The following HNRNPUL2 variants were observed in gnomAD, a reference collection of about 807,000 sequenced individuals.
The protein encoded by HNRNPUL2 is heterogeneous nuclear ribonucleoprotein U like 2.
Under a neutral mutation model 102.2 loss-of-function variants are expected in HNRNPUL2, and 27 were observed. The ratio of observed to expected loss-of-function variants is 0.26; its 90% CI spans 0.19 to 0.36. HNRNPUL2 has a LOEUF of 0.36. Ranked by LOEUF, HNRNPUL2 falls within the 10% of genes least tolerant of loss-of-function variation. HNRNPUL2 has a pLI of 1.00. For synonymous variants in HNRNPUL2, 458 were observed against 387.2 expected (o/e 1.18, Z -2.15); for missense variants, 936 against 981.1 (o/e 0.95, Z 0.61).
chr11:62,723,506 A>T, intron 4 of HNRNPUL2, 81 bp downstream of exon 4: 1 of 1,387,842 alleles, frequency 7.2e-7, no homozygotes, highest in Non-Finnish European at 9.7e-7. Context: ...AAAAAGAGAT[A>T]ATAATCTTCT....
chr11:62,721,674 C>T, intron 8 of HNRNPUL2, 146 bp downstream of exon 8: 1 of 1,045,926 alleles, frequency 9.6e-7, no homozygotes, highest in Non-Finnish European at 1.4e-6. Flanking sequence ...AAAAAAAAAT[C>T]AATCCACCTA....
At position 62,722,248 on chromosome 11, in the gene HNRNPUL2, C is replaced by T; in HGVS notation, c.1228G>A (p.Val410Ile). Residue 410 changes from valine (V) to isoleucine (I), a missense_variant, in exon 7 of 14, where the codon GTA (valine) becomes ATA (isoleucine). Val to Ile is a conservative substitution (Grantham distance 29, BLOSUM62 3). Coordinates refer to ENST00000301785, the MANE Select transcript of HNRNPUL2 (RefSeq NM_001079559.3). ...LPHVLCKNCV[V>I]ELNFGQKEEP... is the part of the protein sequence containing the mutation. Reference sequence around the variant, plus strand: ...TCCTTCTGACCGAAGTTTAATTCTACAACACAATTTTTGCAGAGGACATGG... The same window carrying T: ...TCCTTCTGACCGAAGTTTAATTCTATAACACAATTTTTGCAGAGGACATGG... 1 of 1,614,162 alleles carries T rather than the reference C, an allele frequency of 6.2e-7. No homozygotes were observed. Among genetic ancestry groups the T allele is most frequent in the Non-Finnish European group, 8.5e-7 (1 of 1,180,024 alleles).
chr11:62,726,571 G>A (rs1269993356), intron 1 of HNRNPUL2, 48 bp downstream of exon 1: 3 of 1,474,926 alleles, frequency 2.0e-6, no homozygotes, highest in Non-Finnish European at 2.7e-6. Context: ...TGCTAGATCA[G>A]GGGCGCAGCC....
rs1339350339 is a variant in HNRNPUL2, at chr11:62,715,226, T to C, written c.*73A>G. 2.9e-5 allele frequency: 22 copies of C among 745,984 alleles called. No homozygotes were observed. In the East Asian group the frequency reaches 5.9e-4, roughly 20 times the overall value. 46.2% of individuals were successfully genotyped at this position (745,984 alleles called of 1,614,324 possible). A position where few individuals can be genotyped will look rare whatever the true frequency, so the allele number is the denominator to read the frequency against. ...CCCCGACAGCCCCTGTTTTCCTTGG[T>C]TGTGTTTTGCGGGGGTGCCTGGCAC... On this transcript the variant is annotated 3_prime_UTR_variant, in exon 14 of 14. Transcript: ENST00000301785.
At chr11:62,716,663 G>C (rs1342746705) in intron 11 of HNRNPUL2, among the ~76,000 whole-genome samples, 2 of 152,178 alleles carry the variant, frequency 1.3e-5, no homozygotes, top group African/African-American at 4.8e-5. Flanking sequence ...AGATAAGACA[G>C]GAACAGTGAC....
chr11:62,721,273 G>A, intron 9 of HNRNPUL2, 22 bp downstream of exon 9: 1 of 1,593,264 alleles, frequency 6.3e-7, no homozygotes, highest in South Asian at 1.2e-5. Flanking sequence ...CTTGACTCTA[G>A]GCAATTTTAT....
At chr11:62,717,838 TA>T (rs1167580580) in intron 10 of HNRNPUL2, among the ~76,000 whole-genome samples, 2 of 152,198 alleles carry the variant, frequency 1.3e-5, no homozygotes, top group African/African-American at 4.8e-5. Flanking sequence ...TCTGCTCATC[TA>T]TACAAGGAGA....
In HNRNPUL2 at chr11:62,717,085, C is replaced by A; in HGVS notation, c.1885G>T (p.Ala629Ser). The A allele has an allele frequency of 6.2e-7, 1 of 1,614,154 alleles. No individual in the cohort carries two copies. Among genetic ancestry groups the A allele is most frequent in the Non-Finnish European group, 8.5e-7 (1 of 1,180,030 alleles). The stretch of plus-strand genomic sequence containing the variant: ...TCGGAGGGGGGCAGAAGCTTCCTTG[C>A]CTCCTCCTTGTACTTAGTGACAATG... ...QPIVTKYKEE[A>S]RKLLPPSEKR... Residue 629 changes from alanine (A) to serine (S), a missense_variant, in exon 11 of 14, where the codon GCA (alanine) becomes TCA (serine). Transcript: ENST00000301785.
At chr11:62,716,879 C>T (rs188553125) in intron 11 of HNRNPUL2, 110 bp downstream of exon 11, 70 of 1,051,410 alleles carry the variant, frequency 6.7e-5, no homozygotes, top group Non-Finnish European at 9.5e-5. Context: ...AAGGCACTTC[C>T]GTATTGTTAA....
Position 62,722,724 on chromosome 11 carries a change from C to A in HNRNPUL2, c.983-11G>T. On this transcript the variant is annotated splice_polypyrimidine_tract_variant and intron_variant, in intron 5 of 13. Transcript: ENST00000301785. ...AGAATTCATCTTCACCTAGAACAGT[C>A]AACAAATTAGTTACCTACAACCGGA... The A allele has an allele frequency of 6.2e-7, 1 of 1,611,570 alleles. No homozygotes were observed. Among genetic ancestry groups the A allele is most frequent in the Non-Finnish European group, 8.5e-7 (1 of 1,177,682 alleles).
At position 62,726,954 on chromosome 11, in the gene HNRNPUL2, C is replaced by A; in HGVS notation, c.203G>T (p.Gly68Val). Residue 68 changes from glycine (G) to valine (V), a missense_variant, in exon 1 of 14, where the codon GGC (glycine) becomes GTC (valine). Physicochemically the swap from Gly to Val is moderately radical, Grantham distance 109 (BLOSUM62 -3). Around this residue, in one of 2 missense-constraint regions of HNRNPUL2, gnomAD observed 327 missense variants for 268.1 expected, o/e 1.22. Coordinates refer to ENST00000301785, the MANE Select transcript of HNRNPUL2 (RefSeq NM_001079559.3). ...KAEPRPVAAS[G>V]GGPGGDEEED... is the part of the protein sequence containing the mutation. The stretch of plus-strand genomic sequence containing the variant: ...CTCCTCGTCCCCGCCCGGGCCGCCG[C>A]CCGACGCGGCCACAGGCCGAGGCTC... 2 of 1,460,918 alleles carry A rather than the reference C, an allele frequency of 1.4e-6. No individual in the cohort carries two copies. Among genetic ancestry groups the A allele is most frequent in the South Asian group, 1.3e-5 (1 of 74,766 alleles). 90.5% of individuals were successfully genotyped at this position (1,460,918 alleles called of 1,614,324 possible). A position where few individuals can be genotyped will look rare whatever the true frequency, so the allele number is the denominator to read the frequency against.
intron 10 of HNRNPUL2, 89 bp from the exon 11 acceptor site, chr11:62,717,278 T>A: frequency 1.1e-6 from 1 of 935,310 alleles, no homozygotes; most frequent in Non-Finnish European, 1.6e-6. Context: ...AGCATATGAC[T>A]TTCTATGCCT....
chr11:62,724,623 G>A (rs1323042469), intron 1 of HNRNPUL2, among the ~76,000 whole-genome samples, 197 bp from the exon 2 acceptor site: 1 of 152,002 alleles, frequency 6.6e-6, no homozygotes, highest in Non-Finnish European at 1.5e-5. Context: ...TTTTAAAAAG[G>A]GGCATTATGG....
At chr11:62,721,233 A>G in intron 9 of HNRNPUL2, 62 bp downstream of exon 9, 1 of 1,458,884 alleles carries the variant, frequency 6.9e-7, no homozygotes. Flanking sequence ...CTGCTCCTTA[A>G]TTCAGTCTCT....
In HNRNPUL2 at chr11:62,720,901, T is replaced by C. The variant is rs538395024; in HGVS notation, c.1611+394A>G. The stretch of plus-strand genomic sequence containing the variant: ...AAAAAAAAAAAAGACTCAGTATCTT[T>C]GACAACTTAGACACGAGATAAAGGG... On this transcript the variant is annotated intron_variant, in intron 9 of 13. Transcript: ENST00000301785. Among the ~76,000 whole-genome samples, 3 of 149,024 alleles carry C rather than the reference T, an allele frequency of 2.0e-5. No individual in the cohort carries two copies. The East Asian group carries it at 5.9e-4, about 29-fold the overall frequency.
At chr11:62,719,061 T>C (rs2083681565) in intron 10 of HNRNPUL2, among the ~76,000 whole-genome samples, 2 of 152,052 alleles carry the variant, frequency 1.3e-5, no homozygotes, top group Admixed American at 1.3e-4. Flanking sequence ...CTCCTGACCT[T>C]GTAATCCACC....
chr11:62,713,944 TA>T lies in HNRNPUL2; in HGVS notation c.*1354del, dbSNP rs1308083909. On this transcript the variant is annotated 3_prime_UTR_variant, in exon 14 of 14. Coordinates refer to ENST00000301785, the MANE Select transcript of HNRNPUL2 (RefSeq NM_001079559.3). Reference sequence around the variant, plus strand: ...CTATCAAGAACTGGGAGGGTATTGGTAAAGTCACAAATGAAACTATCCCAAC... The same window carrying T: ...CTATCAAGAACTGGGAGGGTATTGGTAAGTCACAAATGAAACTATCCCAAC... The T allele has an allele frequency of 6.6e-6, 1 of 152,024 alleles. No individual in the cohort carries two copies. The highest frequency in any genetic ancestry group is 2.4e-5 in the African/African-American group (1 of 41,362). 9.4% of individuals were successfully genotyped at this position (152,024 alleles called of 1,614,324 possible). A position where few individuals can be genotyped will look rare whatever the true frequency, so the allele number is the denominator to read the frequency against.
At chr11:62,723,181 C>T (rs1234099489) in intron 4 of HNRNPUL2, among the ~76,000 whole-genome samples, 1 of 152,146 alleles carries the variant, frequency 6.6e-6, no homozygotes, top group Non-Finnish European at 1.5e-5. Context: ...AATAAATGAA[C>T]GGTCTTTTTA....
chr11:62,716,922 C>T, intron 11 of HNRNPUL2, 67 bp downstream of exon 11: 2 of 1,559,560 alleles, frequency 1.3e-6, no homozygotes, highest in Non-Finnish European at 1.8e-6. Context: ...CCTTCCCTTG[C>T]ACATCTTGCT....
Sources: allele counts gnomAD v4.1 joint callset (sites outside exome capture counted in the v4.1 genomes callset), GRCh38; gene constraint gnomAD v4.1.1; regional missense constraint gnomAD v4.1.1; transcripts MANE v1.5; gene names NCBI Gene and HGNC (gene_info 2026-07-23, HGNC 2026-07-21).